MNAT1: variants seen among roughly 807,000 people sequenced by gnomAD.
The protein encoded by MNAT1 is CDK-activating kinase assembly factor MAT1.
In MNAT1, 43 loss-of-function variants were observed where a neutral mutation model predicts 42.0. That is an observed-to-expected ratio of 1.02 (90% CI 0.80 to 1.32). The LOEUF is 1.32. Among genes scored for constraint, MNAT1 ranks in the 40% most tolerant of loss-of-function variants. The pLI, the probability that MNAT1 is intolerant of heterozygous loss-of-function variation, is 0.00. For synonymous variants in MNAT1, 118 were observed against 120.0 expected (o/e 0.98, Z 0.11); for missense variants, 306 against 350.4 (o/e 0.87, Z 1.01).
At chr14:60,892,668 C>T (rs1230858428) in intron 7 of MNAT1, among the ~76,000 whole-genome samples, 2 of 151,784 alleles carry the variant, frequency 1.3e-5, no homozygotes, top group East Asian at 1.9e-4. Context: ...GCTTTTTCTC[C>T]CTTATTTCCT....
At chr14:60,839,070 G>A (rs183942824) in intron 6 of MNAT1, among the ~76,000 whole-genome samples, 277 of 152,254 alleles carry the variant, frequency 1.8e-3, no homozygotes, top group African/African-American at 6.5e-3. Flanking sequence ...TGTGGCAGGA[G>A]GCAGATGGGC....
intron 7 of MNAT1, among the ~76,000 whole-genome samples, chr14:60,929,517 G>A (rs980377375): frequency 6.6e-6 from 1 of 151,930 alleles, no homozygotes; most frequent in Non-Finnish European, 1.5e-5. Context: ...ATACCCAATG[G>A]TCCCAGTACC....
At chr14:60,735,020 C>A in intron 1 of MNAT1, 69 bp downstream of exon 1, 1 of 1,445,972 alleles carries the variant, frequency 6.9e-7, no homozygotes, top group Non-Finnish European at 9.7e-7. Context: ...CCGGGAGATG[C>A]TAGGCCTCGT....
At chr14:60,749,828 T>A (rs1218875648) in intron 1 of MNAT1, among the ~76,000 whole-genome samples, 1 of 152,236 alleles carries the variant, frequency 6.6e-6, no homozygotes, top group Non-Finnish European at 1.5e-5. Context: ...AAATGAGATT[T>A]TAATGATTTT....
At chr14:60,916,632 G>C (rs1234140289) in intron 7 of MNAT1, among the ~76,000 whole-genome samples, 1 of 152,130 alleles carries the variant, frequency 6.6e-6, no homozygotes, top group South Asian at 2.1e-4. Flanking sequence ...TCCAGCCTGG[G>C]TAACAGAGTG....
intron 7 of MNAT1, among the ~76,000 whole-genome samples, chr14:60,962,266 A>T (rs1030217405): frequency 6.6e-6 from 1 of 152,214 alleles, no homozygotes. Context: ...GGAAATAAAC[A>T]TCTGACTTGG....
chr14:60,782,150 CTGTT>C (rs1226367995), intron 1 of MNAT1, among the ~76,000 whole-genome samples: 1 of 151,762 alleles, frequency 6.6e-6, no homozygotes, highest in Non-Finnish European at 1.5e-5. Flanking sequence ...TGAAATAAGG[CTGTT>C]TGAATTATGG....
chr14:60,753,698 T>G (rs2030202709), intron 1 of MNAT1: 1 of 152,198 alleles, frequency 6.6e-6, no homozygotes, highest in Admixed American at 6.5e-5. Flanking sequence ...CTTCCCCTTT[T>G]GATGAAAGAA....
intron 7 of MNAT1, among the ~76,000 whole-genome samples, chr14:60,929,926 AAAAC>A (rs950658799): frequency 1.3e-5 from 2 of 152,140 alleles, no homozygotes; most frequent in South Asian, 2.1e-4. Context: ...CTTTCAACCT[AAAAC>A]AAACAAACAC....
At chr14:60,804,600 G>A (rs570206362) in intron 3 of MNAT1, among the ~76,000 whole-genome samples, 19 of 152,044 alleles carry the variant, frequency 1.2e-4, no homozygotes, top group African/African-American at 3.6e-4. Context: ...ATCATAGCTC[G>A]CTGTAGCTTG....
chr14:60,838,435 A>AT (rs1053393478), intron 6 of MNAT1, among the ~76,000 whole-genome samples: 9 of 151,012 alleles, frequency 6.0e-5, no homozygotes, highest in Non-Finnish European at 8.9e-5. Context: ...CTGAGCCCTG[A>AT]TTTTTTTTTC....
intron 7 of MNAT1, among the ~76,000 whole-genome samples, chr14:60,955,004 T>C (rs1376790936): frequency 6.6e-6 from 1 of 152,178 alleles, no homozygotes; most frequent in Non-Finnish European, 1.5e-5. Flanking sequence ...ATTATGTTAA[T>C]GTGGTGTATC....
intron 1 of MNAT1, among the ~76,000 whole-genome samples, chr14:60,755,023 A>G (rs2030276100): frequency 6.6e-6 from 1 of 152,060 alleles, no homozygotes; most frequent in African/African-American, 2.4e-5. Context: ...TTCCAGAGAC[A>G]AAATCTCACT....
At chr14:60,790,873 T>C (rs545227486) in intron 1 of MNAT1, among the ~76,000 whole-genome samples, 5 of 152,316 alleles carry the variant, frequency 3.3e-5, no homozygotes, top group Admixed American at 1.3e-4. Context: ...TTTCTTTCTA[T>C]GTTCCTTCAT....
chr14:60,834,840 C>G (rs2033332462), intron 6 of MNAT1, among the ~76,000 whole-genome samples: 1 of 152,022 alleles, frequency 6.6e-6, no homozygotes. Flanking sequence ...CTTTATGAAT[C>G]TGGGTGCTCC....
At chr14:60,832,486 G>A (rs1307418563) in intron 6 of MNAT1, among the ~76,000 whole-genome samples, 1 of 152,156 alleles carries the variant, frequency 6.6e-6, no homozygotes, top group Non-Finnish European at 1.5e-5. Context: ...TCAGATGGTT[G>A]TAGATGTGTG....
chr14:60,844,503 C>T (rs1163932459), intron 6 of MNAT1, among the ~76,000 whole-genome samples: 2 of 152,046 alleles, frequency 1.3e-5, no homozygotes, highest in Non-Finnish European at 2.9e-5. Context: ...TTTCAAATCT[C>T]ATTTTCTATT....
At chr14:60,824,505 C>G (rs2032994675) in intron 6 of MNAT1, among the ~76,000 whole-genome samples, 2 of 152,080 alleles carry the variant, frequency 1.3e-5, no homozygotes, top group Non-Finnish European at 1.5e-5. Context: ...AATGTAAAGA[C>G]AAATACTACT....
At chr14:60,804,785 C>T (rs1225672941) in intron 3 of MNAT1, among the ~76,000 whole-genome samples, 3 of 152,042 alleles carry the variant, frequency 2.0e-5, no homozygotes, top group East Asian at 1.9e-4. Flanking sequence ...TCAAGTGATC[C>T]AGAACTCATA....
Sources: gnomAD v4.1 joint callset for allele counts (sites outside exome capture counted in the v4.1 genomes callset) on GRCh38, gnomAD v4.1.1 for gene constraint, MANE v1.5 for transcripts, NCBI Gene and HGNC (gene_info 2026-07-23, HGNC 2026-07-21) for gene names.